Variants in HYKK observed in about 807,000 individuals in gnomAD.
HYKK encodes 5-hydroxy-L-lysine kinase.
Under a neutral mutation model 29.7 loss-of-function variants are expected in HYKK, and 19 were observed. The ratio of observed to expected loss-of-function variants is 0.64; its 90% CI spans 0.45 to 0.94. The LOEUF (loss-of-function observed/expected upper bound fraction) is 0.94. Ranked by LOEUF, HYKK falls within the 40% of genes least tolerant of loss-of-function variation. The pLI, the probability that HYKK is intolerant of heterozygous loss-of-function variation, is 0.00. For synonymous variants in HYKK, 152 were observed against 158.1 expected (o/e 0.96, Z 0.29); for missense variants, 390 against 443.4 (o/e 0.88, Z 1.08).
chr15:78,513,320 A>G lies in HYKK; in HGVS notation c.232A>G (p.Ile78Val). 7 of 1,614,198 alleles carry G rather than the reference A, an allele frequency of 4.3e-6. No homozygotes were observed. The highest frequency in any genetic ancestry group is 5.9e-6 in the Non-Finnish European group (7 of 1,180,014). The stretch of plus-strand genomic sequence containing the variant: ...CAAGGCTAGCAAAAATCCAGACCTG[A>G]TTGAAGTGCAGAATCACATCATCAT... ...NTKASKNPDL[I>V]EVQNHIIMFL... Residue 78 changes from isoleucine to valine, a missense_variant, in exon 2 of 5, where the codon ATT (isoleucine) becomes GTT (valine). Ile to Val is a conservative substitution (Grantham distance 29). Transcript: ENST00000388988.
chr15:78,533,330 A>AC lies in HYKK; in HGVS notation c.783dup (p.Tyr262LeufsTer4). ...GACTTTGGTGACATGAGCTATGGCTACTATGTGTTTGAAGTGGCAATTACC... is the reference window on the plus strand; with the variant it reads ...GACTTTGGTGACATGAGCTATGGCTACCTATGTGTTTGAAGTGGCAATTACC... On this transcript the variant is annotated frameshift_variant, in exon 5 of 5. Coordinates refer to ENST00000388988, the MANE Select transcript of HYKK (RefSeq NM_001013619.4). LOFTEE classifies it high-confidence loss of function. The AC allele has an allele frequency of 6.2e-7, 1 of 1,614,158 alleles. No individual in the cohort carries two copies. Among genetic ancestry groups the AC allele is most frequent in the Non-Finnish European group, 8.5e-7 (1 of 1,179,956 alleles).
chr15:78,509,883 A>T (rs954520032), intron 1 of HYKK, among the ~76,000 whole-genome samples: 11 of 152,208 alleles, frequency 7.2e-5, no homozygotes, highest in African/African-American at 2.7e-4. Flanking sequence ...TAGAAAGTAA[A>T]CAGGAAACAT....
At chr15:78,519,443 A>G (rs886868081) in intron 3 of HYKK, among the ~76,000 whole-genome samples, 2 of 152,172 alleles carry the variant, frequency 1.3e-5, no homozygotes, top group African/African-American at 4.8e-5. Flanking sequence ...GGAAATCTTC[A>G]CATATTAATT....
At chr15:78,517,128 T>C (rs1252715312) in intron 3 of HYKK, among the ~76,000 whole-genome samples, 51 of 146,794 alleles carry the variant, frequency 3.5e-4, no homozygotes, top group African/African-American at 1.1e-3. Flanking sequence ...TTTTTTTTTT[T>C]CGAGACAGAG....
intron 3 of HYKK, among the ~76,000 whole-genome samples, chr15:78,519,482 G>A (rs146835477): frequency 7.4e-4 from 112 of 152,104 alleles, no homozygotes; most frequent in African/African-American, 2.5e-3. Context: ...GAACTGGGCC[G>A]GGCACAGTGG....
rs529728704 is a variant in HYKK, at chr15:78,533,648, A to G, written c.1100A>G (p.Tyr367Cys). The change falls in exon 5 of 5, where the codon TAT (tyrosine) becomes TGT (cysteine). Residue 367 changes from tyrosine to cysteine, a missense_variant. Transcript: ENST00000388988. Reference protein sequence around the residue: ...EEIWFETAKSYESGISM With the variant: ...EEIWFETAKSCESGISM ...ATCTGGTTTGAAACTGCCAAATCCT[A>G]TGAATCTGGGATCTCCATGTGACTG... 2.5e-6 allele frequency: 4 copies of G among 1,613,786 alleles called. No homozygotes were observed. The highest frequency in any genetic ancestry group is 2.2e-5 in the East Asian group (1 of 44,882).
At chr15:78,527,716 T>C in intron 4 of HYKK, 153 bp downstream of exon 4, 1 of 1,392,236 alleles carries the variant, frequency 7.2e-7, no homozygotes, top group Non-Finnish European at 9.3e-7. Context: ...TATTTTTACT[T>C]TCCTCAAAAT....
Position 78,535,387 on chromosome 15 carries a change from T to G in HYKK, c.*1717T>G, listed in dbSNP as rs919257162. The G allele has an allele frequency of 1.3e-5, 2 of 151,550 alleles. No individual in the cohort carries two copies. Among genetic ancestry groups the G allele is most frequent in the African/African-American group, 4.9e-5 (2 of 41,196 alleles). The allele number at this position is 151,550 out of a possible 1,614,324, so 9.4% of individuals were successfully genotyped here. A position where few individuals can be genotyped will look rare whatever the true frequency, so the allele number is the denominator to read the frequency against. ...GATCCTCCCACCTCAGCCTCCCTAG[T>G]AGCTGGGACTTCAGGCATGTGCCAC... On this transcript the variant is annotated 3_prime_UTR_variant, in exon 5 of 5. Coordinates refer to ENST00000388988, the MANE Select transcript of HYKK (RefSeq NM_001013619.4).
intron 1 of HYKK, among the ~76,000 whole-genome samples, chr15:78,510,151 T>A (rs562604816): frequency 6.6e-6 from 1 of 150,786 alleles, no homozygotes; most frequent in South Asian, 2.1e-4. Context: ...TTCTTCTTTC[T>A]CTTGCTCTCT....
intron 4 of HYKK, chr15:78,528,372 C>A (rs1286606338): frequency 4.3e-5 from 42 of 966,238 alleles, no homozygotes; most frequent in Non-Finnish European, 4.8e-5. Context: ...TTCCATGAAA[C>A]CAGTCCCTGA....
chr15:78,511,448 G>T (rs1038204190), intron 1 of HYKK, among the ~76,000 whole-genome samples: 1 of 152,068 alleles, frequency 6.6e-6, no homozygotes, highest in Non-Finnish European at 1.5e-5. Context: ...AAGGCCCAGC[G>T]TGGTGGCTCA....
At chr15:78,516,842 G>A (rs568945100) in intron 3 of HYKK, among the ~76,000 whole-genome samples, 6 of 150,996 alleles carry the variant, frequency 4.0e-5, no homozygotes, top group Admixed American at 6.6e-5. Context: ...GCAACATGGT[G>A]AAACCCTGTC....
intron 1 of HYKK, among the ~76,000 whole-genome samples, chr15:78,512,385 CTTTTTTTTCTTTTTCTTTTTTTT>C (rs1292943394): frequency 1.4e-5 from 2 of 142,210 alleles, no homozygotes; most frequent in Non-Finnish European, 3.1e-5. Flanking sequence ...TTCTTTTTTT[CTTTTTTTTCTTTTTCTTTTTTTT>C]TTTTTTTTTT....
At position 78,533,838 on chromosome 15, in the gene HYKK, G is replaced by C. The variant is rs931794; in HGVS notation, c.*168G>C. ...ATCCCTAAGGTCTTCAAGCAATCTC[G>C]TGACAATTTTTTAAAATTCACAAAA... On this transcript the variant is annotated 3_prime_UTR_variant, in exon 5 of 5. Transcript: ENST00000388988. 95 of 590,260 alleles carry C rather than the reference G, an allele frequency of 1.6e-4. No individual in the cohort carries two copies. Among genetic ancestry groups the C allele is most frequent in the East Asian group, 1.7e-4 (6 of 35,506 alleles). 36.6% of individuals were successfully genotyped at this position (590,260 alleles called of 1,614,324 possible).
chr15:78,510,328 C>T (rs1282338246), intron 1 of HYKK, among the ~76,000 whole-genome samples: 2 of 151,860 alleles, frequency 1.3e-5, no homozygotes, highest in East Asian at 1.9e-4. Context: ...GAATTATAGG[C>T]GCCGGCCACC....
In HYKK at chr15:78,527,539, A is replaced by T; in HGVS notation, c.637A>T (p.Thr213Ser). ...VIHLFKEEVM[T>S]KLSHFRECIN... The stretch of plus-strand genomic sequence containing the variant: ...TCATCTGTTCAAGGAGGAAGTAATG[A>T]CCAAATTAAGTCATTTTCGAGAATG... Residue 213 changes from threonine (T) to serine (S), a missense_variant, in exon 4 of 5, where the codon ACC becomes TCC. Physicochemically the swap from Thr to Ser is moderately conservative, Grantham distance 58. Transcript: ENST00000388988. The T allele has an allele frequency of 6.2e-7, 1 of 1,614,148 alleles. No individual in the cohort carries two copies.
intron 4 of HYKK, among the ~76,000 whole-genome samples, chr15:78,530,549 T>G (rs901759047): frequency 5.3e-5 from 8 of 152,208 alleles, no homozygotes; most frequent in Non-Finnish European, 2.9e-5. Flanking sequence ...GTTCTATATC[T>G]GTGTTGTTCA....
At chr15:78,523,991 GC>G (rs1012274293) in intron 3 of HYKK, among the ~76,000 whole-genome samples, 6 of 152,222 alleles carry the variant, frequency 3.9e-5, no homozygotes, top group African/African-American at 1.4e-4. Context: ...AGTGCCTGTG[GC>G]TTTTCCAGGG....
rs2052359179 is a variant in HYKK, at chr15:78,536,021, T to A, written c.*2351T>A. The A allele has an allele frequency of 6.6e-6, 1 of 152,228 alleles. No homozygotes were observed. Among genetic ancestry groups the A allele is most frequent in the African/African-American group, 2.4e-5 (1 of 41,462 alleles). 9.4% of individuals were successfully genotyped at this position (152,228 alleles called of 1,614,324 possible). On this transcript the variant is annotated 3_prime_UTR_variant, in exon 5 of 5. Coordinates refer to ENST00000388988, the MANE Select transcript of HYKK (RefSeq NM_001013619.4). ...CGTGAGCTATCATACCCAGCCTGTG[T>A]TGTTTTTTAACAATATATAATAAAA...
Sources: gnomAD v4.1 joint callset for allele counts (sites outside exome capture counted in the v4.1 genomes callset) on GRCh38, gnomAD v4.1.1 for gene constraint, MANE v1.5 for transcripts, NCBI Gene and HGNC (gene_info 2026-07-23, HGNC 2026-07-21) for gene names.